DMD: variants seen among roughly 807,000 people sequenced by gnomAD.
DMD encodes mutant dystrophin.
A neutral mutation model predicts 330.1 loss-of-function variants in DMD; 63 were observed. That is an observed-to-expected ratio of 0.19 (90% confidence interval 0.16 to 0.24). DMD has a LOEUF of 0.24. Among genes scored for constraint, DMD ranks in the 10% least tolerant of loss-of-function variants. The probability of loss-of-function intolerance (pLI) is 1.00; values close to 1 mark genes in which losing one functional copy is unlikely to be tolerated. For missense variants in DMD, 3,344 were observed against 2,684.1 expected (o/e 1.25, Z -5.43); for synonymous variants, 1,223 against 959.8 (o/e 1.27, Z -5.07).
intron 17 of DMD, among the ~76,000 whole-genome samples, chrX:32,526,338 T>A (rs1389204925): frequency 8.9e-6 from 1 of 112,088 alleles, no homozygotes; most frequent in African/African-American, 3.2e-5. Flanking sequence ...AGCGACAATT[T>A]TTTTCTCCTT....
chrX:32,377,444 C>T (rs372024501), intron 34 of DMD, among the ~76,000 whole-genome samples: 6 of 111,536 alleles, frequency 5.4e-5, no homozygotes, highest in South Asian at 7.4e-4. Context: ...ATGCTTGGCA[C>T]GAAAAGGCTC....
chrX:32,413,833 G>A (rs2098154997), intron 29 of DMD, among the ~76,000 whole-genome samples: 1 of 104,932 alleles, frequency 9.5e-6, no homozygotes, highest in Non-Finnish European at 1.9e-5. Flanking sequence ...TGATTCTCCT[G>A]CCTCAGCCTC....
intron 44 of DMD, among the ~76,000 whole-genome samples, chrX:32,146,718 T>C: frequency 8.9e-6 from 1 of 112,358 alleles, no homozygotes; most frequent in Middle Eastern, 4.6e-3. Context: ...AGCCTAATAA[T>C]GAGAGCAATC....
At position 31,798,345 on chromosome X, in the gene DMD, C is replaced by G. The variant is rs376777406; in HGVS notation, c.7309+21630G>C. ...AAGTTCTCCACATGGAGTTGTCACT[C>G]AAGCACTGACATCAAAATCAATGAA... On this transcript the variant is annotated intron_variant, in intron 50 of 78. Transcript: ENST00000357033. Among the ~76,000 whole-genome samples the G allele has an allele frequency of 2.3e-3, 257 of 110,195 alleles. 8 individuals carry two copies. The South Asian group carries it at 0.095, about 41-fold the overall frequency.
At chrX:32,830,332 T>C (rs192199871) in intron 4 of DMD, among the ~76,000 whole-genome samples, 57 of 111,809 alleles carry the variant, frequency 5.1e-4, no homozygotes, top group African/African-American at 1.8e-3. Flanking sequence ...AATTATGTCT[T>C]TCAAGAATTA....
chrX:32,881,794 T>C (rs2083971449), intron 2 of DMD, among the ~76,000 whole-genome samples: 1 of 111,839 alleles, frequency 8.9e-6, no homozygotes. Context: ...CTCAGAGCCA[T>C]ACCAACACAC....
At chrX:32,858,698 G>GTT (rs772911461) in intron 2 of DMD, among the ~76,000 whole-genome samples, 1 of 106,079 alleles carries the variant, frequency 9.4e-6, no homozygotes, top group African/African-American at 3.4e-5. Flanking sequence ...GTCTGATGTG[G>GTT]TTTTTTTTTT....
chrX:32,714,790 A>G (rs770953588), intron 7 of DMD, among the ~76,000 whole-genome samples: 8 of 112,273 alleles, frequency 7.1e-5, no homozygotes, highest in Non-Finnish European at 1.5e-4. Flanking sequence ...TAAGAAAACT[A>G]CATAGATTTT....
intron 70 of DMD, chrX:31,178,387 T>G: frequency 1.0e-6 from 1 of 957,454 alleles, no homozygotes. Flanking sequence ...AGTCCCATAT[T>G]TCTTATAAGG....
chrX:31,154,172 G>T (rs2037797927), intron 74 of DMD, among the ~76,000 whole-genome samples: 1 of 111,889 alleles, frequency 8.9e-6, no homozygotes, highest in Non-Finnish European at 1.9e-5. Context: ...AATACTTTTT[G>T]AGGTATACCA....
chrX:31,388,224 C>T (rs917204519), intron 60 of DMD, among the ~76,000 whole-genome samples: 5 of 108,566 alleles, frequency 4.6e-5, no homozygotes, highest in African/African-American at 1.0e-4. Flanking sequence ...AGGACGGTCT[C>T]GATCTCCTGA....
chrX:33,115,861 T>A (rs945556086), intron 1 of DMD, among the ~76,000 whole-genome samples: 2 of 110,326 alleles, frequency 1.8e-5, no homozygotes, highest in African/African-American at 6.6e-5. Context: ...TTTAAAAACA[T>A]ATTATTTGAT....
chrX:32,618,467 C>G (rs1013914933), intron 11 of DMD, among the ~76,000 whole-genome samples: 1 of 111,108 alleles, frequency 9.0e-6, no homozygotes, highest in Non-Finnish European at 1.9e-5. Flanking sequence ...ATGATGAGAA[C>G]ACATGGGCAC....
Position 32,722,029 on chromosome X carries a change from T to C in DMD, c.650-22736A>G, listed in dbSNP as rs867241347. ...CCATCAGTTTATGTGTCTGTTTTTATGGCATTACAATACTCTTTTTAATAC... is the reference window on the plus strand; with the variant it reads ...CCATCAGTTTATGTGTCTGTTTTTACGGCATTACAATACTCTTTTTAATAC... On this transcript the variant is annotated intron_variant, in intron 7 of 78. Transcript: ENST00000357033. Among the ~76,000 whole-genome samples the C allele has an allele frequency of 1.4e-4, 16 of 110,825 alleles. No homozygotes were observed. In the Middle Eastern group the frequency reaches 0.028, roughly 192 times the overall value.
intron 59 of DMD, among the ~76,000 whole-genome samples, chrX:31,453,765 C>CAAAGAAAAA (rs2065934483): frequency 1.1e-4 from 1 of 8,983 alleles, no homozygotes; most frequent in African/African-American, 5.0e-4. Context: ...AAAAAACAAG[C>CAAAGAAAAA]AAAAAAAAAA....
At chrX:31,844,291 C>T (rs896850671) in intron 48 of DMD, among the ~76,000 whole-genome samples, 41 of 72,481 alleles carry the variant, frequency 5.7e-4, no homozygotes, top group Middle Eastern at 7.5e-3. Context: ...GTAGGGAGTC[C>T]TTTCCCCATT....
At chrX:32,990,792 C>T (rs1201472525) in intron 2 of DMD, among the ~76,000 whole-genome samples, 2 of 111,342 alleles carry the variant, frequency 1.8e-5, no homozygotes, top group South Asian at 3.7e-4. Flanking sequence ...AGTTTGAAAG[C>T]GTACCAAAAA....
intron 44 of DMD, among the ~76,000 whole-genome samples, chrX:32,149,382 T>C (rs1329014632): frequency 3.6e-5 from 4 of 112,137 alleles, no homozygotes; most frequent in Non-Finnish European, 7.5e-5. Context: ...TAATTGCCAA[T>C]TGTGATTCTC....
intron 55 of DMD, among the ~76,000 whole-genome samples, chrX:31,509,942 G>A (rs761030633): frequency 8.9e-6 from 1 of 111,836 alleles, no homozygotes; most frequent in East Asian, 2.8e-4. Context: ...GGCAATTCCT[G>A]CCAAGTCTTC....
Sources: allele counts gnomAD v4.1 joint callset (sites outside exome capture counted in the v4.1 genomes callset), GRCh38; gene constraint gnomAD v4.1.1; transcripts MANE v1.5; gene names NCBI Gene and HGNC (gene_info 2026-07-23, HGNC 2026-07-21).